Variants in NDC80 observed in about 807,000 individuals in gnomAD.
The protein encoded by NDC80 is kinetochore protein NDC80 homolog.
In NDC80, 69 loss-of-function variants were observed where a neutral mutation model predicts 89.3. The observed-to-expected ratio is 0.77, with a 90% CI of 0.64 to 0.94. The LOEUF (loss-of-function observed/expected upper bound fraction) is 0.94, where lower values mean the gene tolerates loss of function less well. NDC80 is among the 40% of genes least tolerant of loss of function. NDC80 has a pLI of 0.00. For missense variants in NDC80, 593 were observed against 739.6 expected, an observed-to-expected ratio of 0.80 and a Z score of 2.30; for synonymous variants, 243 against 255.6, an observed-to-expected ratio of 0.95 and a Z score of 0.47.
At position 2,592,378 on chromosome 18, in the gene NDC80, C is replaced by G. The variant is rs529381487; in HGVS notation, c.1015+2216C>G. Among the ~76,000 whole-genome samples the G allele has an allele frequency of 7.8e-4, 113 of 145,418 alleles. 1 individual carries two copies. The highest frequency in any genetic ancestry group is 2.7e-3 in the African/African-American group (104 of 38,732). On this transcript the variant is annotated intron_variant, in intron 10 of 16. Coordinates refer to ENST00000261597, the MANE Select transcript of NDC80 (RefSeq NM_006101.3). ...ATTTTGTTTTTTTTTTTTTGAGAGA[C>G]AGAGTGTCACTCTGTCGCCCAGGCT...
At position 2,590,293 on chromosome 18, in the gene NDC80, G is replaced by A; in HGVS notation, c.1015+131G>A. On this transcript the variant is annotated intron_variant, in intron 10 of 16. Coordinates refer to ENST00000261597, the MANE Select transcript of NDC80 (RefSeq NM_006101.3). ...CTTAGAGCAGGCTACCAAGTTTTCA[G>A]TGTGTTTCGTATTTGTTTCCTAAGG... 5 of 920,252 alleles carry A rather than the reference G, an allele frequency of 5.4e-6. No homozygotes were observed. The South Asian group carries it at 1.2e-4, about 22-fold the overall frequency. The allele number at this position is 920,252 out of a possible 1,614,324, so 57.0% of individuals were successfully genotyped here.
In NDC80 at chr18:2,590,159, G is replaced by C. The variant is rs1177833614; in HGVS notation, c.1012G>C (p.Val338Leu). The change falls in exon 10 of 17, where the codon GTA becomes CTA. Residue 338 changes from valine (V) to leucine (L), a missense_variant. Val to Leu is a conservative substitution (Grantham distance 32). Transcript: ENST00000261597. The part of the protein sequence containing the change: ...LNGLNEEIAR[V>L]ELECETIKQE... ...TGGTCTCAATGAGGAAATTGCTAGA[G>C]TAGGTAAGCAGAGCTAATGCTAAAA... 3.8e-6 allele frequency: 6 copies of C among 1,597,506 alleles called. No individual in the cohort carries two copies. In the Admixed American group the frequency reaches 9.0e-5, roughly 24 times the overall value.
Position 2,578,067 on chromosome 18 carries a change from C to T in NDC80, c.402C>T (p.Gly134=), listed in dbSNP as rs1316266833. The T allele has an allele frequency of 1.2e-6, 2 of 1,614,050 alleles. No individual in the cohort carries two copies. Among genetic ancestry groups the T allele is most frequent in the Non-Finnish European group, 1.7e-6 (2 of 1,180,008 alleles). ...DFLKIFTFLY[G]FLCPSYELPD... ...TGAAGATCTTCACATTTCTTTATGG[C>T]TTCCTGTGCCCCTCATACGAACTTC... Residue 134 remains glycine (G), a synonymous_variant, in exon 5 of 17, where the codon GGC becomes GGT. Transcript: ENST00000261597.
intron 11 of NDC80, 40 bp downstream of exon 11, chr18:2,595,661 T>C (rs375265732): frequency 1.3e-6 from 2 of 1,569,144 alleles, no homozygotes; most frequent in African/African-American, 2.7e-5. Context: ...TCATCATAGC[T>C]GACCTTTCTG....
intron 7 of NDC80, among the ~76,000 whole-genome samples, chr18:2,585,857 A>T (rs1404783191): frequency 6.6e-6 from 1 of 152,192 alleles, no homozygotes; most frequent in Non-Finnish European, 1.5e-5. Flanking sequence ...GAATGAAGAT[A>T]TCAGTATTGG....
rs1568011704 is a variant in NDC80 at position 2,607,985 on chromosome 18, A to AAGT, written c.1558-715_1558-714insAGT. ...ACATAGTATATATATATATATATAT[A>AAGT]TATATATATATATAACTTATTTAGC... On this transcript the variant is annotated intron_variant, in intron 14 of 16. Coordinates refer to ENST00000261597, the MANE Select transcript of NDC80 (RefSeq NM_006101.3). Among the ~76,000 whole-genome samples the AAGT allele has an allele frequency of 3.3e-4, 42 of 126,162 alleles. No individual in the cohort carries two copies. In the East Asian group the frequency reaches 9.8e-3, roughly 30 times the overall value. 82.8% of individuals were successfully genotyped at this position (126,162 alleles called of 152,430 possible). A position where few individuals can be genotyped will look rare whatever the true frequency, so the allele number is the denominator to read the frequency against.
chr18:2,601,116 A>T (rs2072681904), intron 12 of NDC80, among the ~76,000 whole-genome samples: 2 of 152,234 alleles, frequency 1.3e-5, no homozygotes, highest in African/African-American at 4.8e-5. Context: ...AACTAAGTGT[A>T]CTTGTAAAAT....
intron 2 of NDC80, 67 bp downstream of exon 2, chr18:2,573,153 T>C: frequency 7.8e-7 from 1 of 1,276,658 alleles, no homozygotes; most frequent in Admixed American, 2.1e-5. Flanking sequence ...TCATAAGAAA[T>C]AGTTAATATA....
At chr18:2,574,642 A>G (rs528257982) in intron 2 of NDC80, among the ~76,000 whole-genome samples, 1 of 151,514 alleles carries the variant, frequency 6.6e-6, no homozygotes, top group Non-Finnish European at 1.5e-5. Flanking sequence ...CCTTGTTTTT[A>G]CTCTTTGGAA....
chr18:2,578,275 T>A, intron 5 of NDC80, 134 bp downstream of exon 5: 1 of 814,844 alleles, frequency 1.2e-6, no homozygotes, highest in Non-Finnish European at 1.8e-6. Flanking sequence ...ATATGTAGGA[T>A]AAATTGAAGA....
chr18:2,601,756 T>C (rs2072685303), intron 13 of NDC80, among the ~76,000 whole-genome samples: 1 of 152,088 alleles, frequency 6.6e-6, no homozygotes, highest in African/African-American at 2.4e-5. Context: ...TAACTTGAGA[T>C]AATTTAATAT....
At chr18:2,583,039 C>T (rs77866951) in intron 6 of NDC80, among the ~76,000 whole-genome samples, 13,757 of 152,202 alleles carry the variant, frequency 0.09, 776 homozygotes, top group Admixed American at 0.17. Flanking sequence ...TGACTTATCC[C>T]AGATCCCTCT....
intron 13 of NDC80, among the ~76,000 whole-genome samples, chr18:2,603,808 A>T (rs994438587): frequency 2.6e-5 from 4 of 152,226 alleles, no homozygotes; most frequent in Non-Finnish European, 5.9e-5. Flanking sequence ...AGTGAAAAAG[A>T]GAATTTGCTC....
intron 16 of NDC80, among the ~76,000 whole-genome samples, chr18:2,612,596 C>G (rs745718379): frequency 1.3e-5 from 2 of 152,050 alleles, no homozygotes; most frequent in South Asian, 4.1e-4. Flanking sequence ...CAGTGATTTT[C>G]TATTATCTGC....
intron 7 of NDC80, 138 bp from the exon 8 acceptor site, chr18:2,587,692 C>T (rs2072608963): frequency 3.4e-6 from 2 of 586,042 alleles, no homozygotes; most frequent in South Asian, 2.1e-5. Context: ...AGGTTTTTGT[C>T]TCTTATTTAT....
chr18:2,585,863 A>G (rs2072600846), intron 7 of NDC80, among the ~76,000 whole-genome samples: 1 of 152,068 alleles, frequency 6.6e-6, no homozygotes, highest in Non-Finnish European at 1.5e-5. Flanking sequence ...AGATATCAGT[A>G]TTGGCAACAT....
chr18:2,608,000 A>ATATATATATATAT lies in NDC80; in HGVS notation c.1558-700_1558-699insTATATATATATAT, dbSNP rs2072723971. 1.8e-4 allele frequency among the ~76,000 whole-genome samples: 7 copies of ATATATATATATAT among 39,200 alleles called. No individual in the cohort carries two copies. In the South Asian group the frequency reaches 3.4e-3, roughly 19 times the overall value. 25.7% of individuals were successfully genotyped at this position (39,200 alleles called of 152,430 possible). ...ATATATATATATATATATATATATA[A>ATATATATATATAT]CTTATTTAGCTAGCCCCTTATTAAT... On this transcript the variant is annotated intron_variant, in intron 14 of 16. Transcript: ENST00000261597.
At chr18:2,572,900 G>A in intron 1 of NDC80, 77 bp from the exon 2 acceptor site, 2 of 1,038,782 alleles carry the variant, frequency 1.9e-6, no homozygotes, top group South Asian at 1.6e-5. Flanking sequence ...CTGTCTTTCT[G>A]TTTAAGGATA....
At chr18:2,593,046 G>C (rs1264086751) in intron 10 of NDC80, among the ~76,000 whole-genome samples, 80 of 116,412 alleles carry the variant, frequency 6.9e-4, no homozygotes, top group African/African-American at 2.5e-3. Flanking sequence ...GTGTGTGTGT[G>C]TGTGTGTGTC....
Sources: allele counts gnomAD v4.1 joint callset (sites outside exome capture counted in the v4.1 genomes callset), GRCh38; gene constraint gnomAD v4.1.1; transcripts MANE v1.5; gene names NCBI Gene and HGNC (gene_info 2026-07-23, HGNC 2026-07-21).